Variants in ARID4B observed in about 807,000 individuals in gnomAD.
ARID4B encodes AT-rich interactive domain-containing protein 4B.
Under a neutral mutation model 147.5 loss-of-function variants are expected in ARID4B, and 26 were observed. The observed-to-expected ratio is 0.18, with a 90% CI of 0.13 to 0.24. The LOEUF (loss-of-function observed/expected upper bound fraction) is 0.24. Ranked by LOEUF, ARID4B falls within the 10% of genes least tolerant of loss-of-function variation. The pLI, the probability that ARID4B is intolerant of heterozygous loss-of-function variation, is 1.00. For synonymous variants in ARID4B, 512 were observed against 507.9 expected (o/e 1.01, Z -0.11); for missense variants, 1,179 against 1,511.5 (o/e 0.78, Z 3.65).
chr1:235,294,091 A>G (rs913211504), intron 2 of ARID4B, among the ~76,000 whole-genome samples: 2 of 152,146 alleles, frequency 1.3e-5, no homozygotes, highest in African/African-American at 4.8e-5. Flanking sequence ...AAAACCCAGT[A>G]AAATATTTAA....
At chr1:235,276,140 A>C (rs1413625457) in intron 2 of ARID4B, among the ~76,000 whole-genome samples, 2 of 151,892 alleles carry the variant, frequency 1.3e-5, no homozygotes, top group South Asian at 4.1e-4. Flanking sequence ...TTTCAAAAAA[A>C]GAAAAAAAAT....
chr1:235,168,648 A>T lies in ARID4B; in HGVS notation c.3816T>A (p.Ala1272=), dbSNP rs1442537932. 1 of 1,613,284 alleles carries T rather than the reference A, an allele frequency of 6.2e-7. No individual in the cohort carries two copies. Among genetic ancestry groups the T allele is most frequent in the African/African-American group, 1.3e-5 (1 of 74,930 alleles). The change falls in exon 24 of 24, where the codon GCT becomes GCA. Residue 1272 remains alanine, a synonymous_variant. Coordinates refer to ENST00000264183, the MANE Select transcript of ARID4B (RefSeq NM_016374.6). The part of the protein sequence containing the change: ...KRLKKKERES[A]ATSSSSSSPS... ...GTGAAGAGGAGGATGAGGATGTAGCAGCACCTAAGGAAAAGGGAGACCAAA... is the reference window on the plus strand; with the variant it reads ...GTGAAGAGGAGGATGAGGATGTAGCTGCACCTAAGGAAAAGGGAGACCAAA...
chr1:235,279,032 C>A (rs1225857515), intron 2 of ARID4B, among the ~76,000 whole-genome samples: 1 of 152,150 alleles, frequency 6.6e-6, no homozygotes, highest in Non-Finnish European at 1.5e-5. Flanking sequence ...CCACCTCAGC[C>A]TCCCAAAGTG....
intron 17 of ARID4B, among the ~76,000 whole-genome samples, chr1:235,199,941 C>T (rs1665772282): frequency 6.6e-6 from 1 of 151,702 alleles, no homozygotes; most frequent in African/African-American, 2.4e-5. Context: ...ATGTAATTAC[C>T]CATTACAATA....
At chr1:235,191,673 A>C (rs1054222516) in intron 19 of ARID4B, among the ~76,000 whole-genome samples, 1 of 152,220 alleles carries the variant, frequency 6.6e-6, no homozygotes, top group Non-Finnish European at 1.5e-5. Context: ...GCTAAATCTG[A>C]AATCAGAGTA....
intron 17 of ARID4B, among the ~76,000 whole-genome samples, chr1:235,198,489 T>C (rs1467429249): frequency 1.3e-5 from 2 of 152,312 alleles, no homozygotes; most frequent in East Asian, 3.9e-4. Flanking sequence ...TAAATTCTCT[T>C]AAGAACAAGG....
intron 2 of ARID4B, among the ~76,000 whole-genome samples, chr1:235,270,960 C>T (rs766796275): frequency 6.6e-6 from 1 of 152,104 alleles, no homozygotes; most frequent in Non-Finnish European, 1.5e-5. Context: ...TTAGTAATAA[C>T]TACTGGCATG....
intron 22 of ARID4B, among the ~76,000 whole-genome samples, chr1:235,173,714 G>A (rs1309619635): frequency 8.9e-6 from 1 of 112,202 alleles, no homozygotes; most frequent in Non-Finnish European, 1.7e-5. Context: ...GATTAGCCTG[G>A]GCAACATAAT....
chr1:235,283,841 T>A (rs1390343686), intron 2 of ARID4B, among the ~76,000 whole-genome samples: 2 of 152,024 alleles, frequency 1.3e-5, no homozygotes, highest in Non-Finnish European at 2.9e-5. Flanking sequence ...TTCAAGCGAT[T>A]CTCATGCCTC....
chr1:235,268,707 G>T (rs528713603), intron 2 of ARID4B, among the ~76,000 whole-genome samples: 6 of 151,960 alleles, frequency 3.9e-5, no homozygotes, highest in Non-Finnish European at 5.9e-5. Flanking sequence ...TAGTAGAGAC[G>T]GGATTTCACC....
chr1:235,190,664 T>G (rs923581416), intron 19 of ARID4B, among the ~76,000 whole-genome samples: 13 of 152,206 alleles, frequency 8.5e-5, no homozygotes, highest in Non-Finnish European at 1.9e-4. Context: ...TTTGCAAAAA[T>G]AAATACAGAT....
Position 235,221,919 on chromosome 1 carries a change from T to C in ARID4B, c.1066-257A>G, listed in dbSNP as rs1052077999. Among the ~76,000 whole-genome samples the C allele has an allele frequency of 1.1e-4, 12 of 106,686 alleles. No individual in the cohort carries two copies. In the East Asian group the frequency reaches 2.8e-3, roughly 25 times the overall value. 70.0% of individuals were successfully genotyped at this position (106,686 alleles called of 152,430 possible). A position where few individuals can be genotyped will look rare whatever the true frequency, so the allele number is the denominator to read the frequency against. ...TTTTTTTTTTTTTTTTTTTTTTTTT[T>C]TGGAGACAGGATCTTATTCTATTGC... On this transcript the variant is annotated intron_variant, in intron 13 of 23. Transcript: ENST00000264183.
intron 2 of ARID4B, among the ~76,000 whole-genome samples, chr1:235,309,474 C>T (rs1421884931): frequency 2.7e-5 from 4 of 148,302 alleles, no homozygotes; most frequent in Admixed American, 1.3e-4. Context: ...AGGTAAGGGG[C>T]GCCTCTGCCC....
intron 14 of ARID4B, 99 bp downstream of exon 14, chr1:235,221,466 T>A (rs1667464316): frequency 4.6e-6 from 3 of 646,392 alleles, no homozygotes; most frequent in Admixed American, 5.8e-5. Context: ...AATGTTCTGA[T>A]TTCTTTAAAG....
At chr1:235,271,352 G>T (rs547928752) in intron 2 of ARID4B, among the ~76,000 whole-genome samples, 7 of 151,596 alleles carry the variant, frequency 4.6e-5, no homozygotes, top group African/African-American at 1.5e-4. Flanking sequence ...ATGATAGGTC[G>T]GATGCCATGG....
intron 22 of ARID4B, among the ~76,000 whole-genome samples, chr1:235,173,000 A>G (rs1156261088): frequency 6.6e-6 from 1 of 152,210 alleles, no homozygotes; most frequent in Non-Finnish European, 1.5e-5. Context: ...CTTAAGATCT[A>G]CATATATCCA....
At chr1:235,309,046 C>A (rs1166496498) in intron 2 of ARID4B, among the ~76,000 whole-genome samples, 1 of 151,476 alleles carries the variant, frequency 6.6e-6, no homozygotes, top group Non-Finnish European at 1.5e-5. Context: ...CTCTTCCCGG[C>A]CGCCATCCCA....
At chr1:235,192,212 G>A (rs888076010) in intron 19 of ARID4B, among the ~76,000 whole-genome samples, 6 of 151,720 alleles carry the variant, frequency 4.0e-5, no homozygotes, top group South Asian at 2.1e-4. Context: ...TTACTTCTGG[G>A]AGGAGACATA....
rs1175996354 is a variant in ARID4B, at chr1:235,230,594, T to TAAA, written c.742+516_742+518dup. Among the ~76,000 whole-genome samples the TAAA allele has an allele frequency of 3.7e-3, 217 of 58,392 alleles. 3 individuals carry two copies. Among genetic ancestry groups the TAAA allele is most frequent in the African/African-American group, 0.012 (180 of 14,998 alleles). 38.3% of individuals were successfully genotyped at this position (58,392 alleles called of 152,430 possible). On this transcript the variant is annotated intron_variant, in intron 10 of 23. Coordinates refer to ENST00000264183, the MANE Select transcript of ARID4B (RefSeq NM_016374.6). The stretch of plus-strand genomic sequence containing the variant: ...TAGATTATTATGCCTGACTATAAGC[T>TAAA]AAAAAAAAAAAAAAAAAAAAAACCA...
Sources: gnomAD v4.1 joint callset for allele counts (sites outside exome capture counted in the v4.1 genomes callset) on GRCh38, gnomAD v4.1.1 for gene constraint, MANE v1.5 for transcripts, NCBI Gene and HGNC (gene_info 2026-07-23, HGNC 2026-07-21) for gene names.